The following CSMD3 variants were observed in gnomAD, a reference collection of about 807,000 sequenced individuals.
The protein encoded by CSMD3 is CUB and Sushi multiple domains 3.
A neutral mutation model predicts 435.2 loss-of-function variants in CSMD3; 177 were observed. The observed-to-expected ratio is 0.41, with a 90% CI of 0.36 to 0.46. CSMD3 has a LOEUF of 0.46. Ranked by LOEUF, CSMD3 falls within the 20% of genes least tolerant of loss-of-function variation. The pLI is 0.34. For missense variants in CSMD3, 4,265 were observed against 4,504.6 expected (o/e 0.95, Z 1.52); for synonymous variants, 1,656 against 1,520.5 (o/e 1.09, Z -2.07).
At chr8:112,616,428 T>A (rs762933582) in intron 22 of CSMD3, among the ~76,000 whole-genome samples, 1 of 152,114 alleles carries the variant, frequency 6.6e-6, no homozygotes, top group Admixed American at 6.6e-5. Flanking sequence ...ACTCCTACCA[T>A]GTGAGATAAA....
chr8:112,767,789 A>G (rs2132178681), intron 13 of CSMD3, among the ~76,000 whole-genome samples: 1 of 151,848 alleles, frequency 6.6e-6, no homozygotes, highest in African/African-American at 2.4e-5. Flanking sequence ...CTCATAAATG[A>G]CCTTGCTGTT....
intron 10 of CSMD3, among the ~76,000 whole-genome samples, chr8:112,916,769 C>T (rs1474882956): frequency 1.3e-5 from 2 of 151,908 alleles, no homozygotes; most frequent in Non-Finnish European, 2.9e-5. Context: ...GATCTTATTA[C>T]TACCTTCTCA....
chr8:112,276,440 G>A (rs1818049437), intron 59 of CSMD3, among the ~76,000 whole-genome samples: 1 of 152,172 alleles, frequency 6.6e-6, no homozygotes, highest in Non-Finnish European at 1.5e-5. Context: ...TGCAGACTCT[G>A]TGTAGGGGCT....
intron 28 of CSMD3, among the ~76,000 whole-genome samples, chr8:112,515,832 A>T (rs1356053044): frequency 1.3e-5 from 2 of 152,106 alleles, no homozygotes; most frequent in African/African-American, 4.8e-5. Flanking sequence ...TTTATAAAAT[A>T]GAGAAAATGT....
At chr8:112,558,736 C>T (rs1404526002) in intron 24 of CSMD3, among the ~76,000 whole-genome samples, 2 of 151,766 alleles carry the variant, frequency 1.3e-5, no homozygotes, top group Non-Finnish European at 2.9e-5. Flanking sequence ...TTGGGTTTTG[C>T]ATTACTGATC....
intron 3 of CSMD3, among the ~76,000 whole-genome samples, chr8:113,271,459 G>A (rs917198767): frequency 1.3e-5 from 2 of 152,076 alleles, no homozygotes; most frequent in Admixed American, 6.6e-5. Context: ...TGCTAAAAGG[G>A]GCCAAGGTAC....
intron 11 of CSMD3, among the ~76,000 whole-genome samples, chr8:112,845,581 A>T (rs566873904): frequency 3.0e-4 from 45 of 152,222 alleles, no homozygotes; most frequent in African/African-American, 1.1e-3. Context: ...AGAGTAGTTT[A>T]GGTTGCCCAT....
intron 11 of CSMD3, among the ~76,000 whole-genome samples, chr8:112,842,925 T>A (rs1471264584): frequency 6.6e-6 from 1 of 151,838 alleles, no homozygotes; most frequent in African/African-American, 2.4e-5. Context: ...TGATTCAAGA[T>A]GTTAAAATGA....
intron 63 of CSMD3, among the ~76,000 whole-genome samples, chr8:112,252,910 G>T (rs1815415898): frequency 1.3e-5 from 2 of 151,356 alleles, no homozygotes; most frequent in African/African-American, 2.4e-5. Flanking sequence ...TAAATTCAGG[G>T]TTAGGTTAAC....
intron 5 of CSMD3, among the ~76,000 whole-genome samples, chr8:113,097,144 GA>G (rs2090188893): frequency 6.6e-6 from 1 of 151,948 alleles, no homozygotes; most frequent in South Asian, 2.1e-4. Flanking sequence ...CGCTATGACA[GA>G]AACAAAGAAG....
chr8:112,329,690 G>A (rs1823856195), intron 45 of CSMD3, among the ~76,000 whole-genome samples: 1 of 151,928 alleles, frequency 6.6e-6, no homozygotes, highest in South Asian at 2.1e-4. Context: ...TTTGGCTGGA[G>A]GCAACAGAAA....
intron 1 of CSMD3, among the ~76,000 whole-genome samples, chr8:113,346,468 T>G (rs1016663412): frequency 2.0e-5 from 3 of 152,158 alleles, no homozygotes; most frequent in Admixed American, 2.0e-4. Context: ...AATAAAGGTA[T>G]GCTTTTCTGA....
chr8:112,845,690 T>C (rs1235877172), intron 11 of CSMD3, among the ~76,000 whole-genome samples: 1 of 152,030 alleles, frequency 6.6e-6, no homozygotes, highest in African/African-American at 2.4e-5. Flanking sequence ...TTTTGGAAAG[T>C]AACAGGCTTG....
At chr8:112,836,113 G>C (rs2080016265) in intron 11 of CSMD3, among the ~76,000 whole-genome samples, 1 of 151,862 alleles carries the variant, frequency 6.6e-6, no homozygotes, top group South Asian at 2.1e-4. Flanking sequence ...GGAGAAGCCA[G>C]TGTATCACTT....
intron 11 of CSMD3, among the ~76,000 whole-genome samples, chr8:112,830,787 T>A (rs2079847156): frequency 8.1e-6 from 1 of 123,630 alleles, no homozygotes. Flanking sequence ...ATAATAACAA[T>A]TTTTTTTTTT....
At chr8:113,355,749 T>TATATACACACACAC (rs1357514892) in intron 1 of CSMD3, among the ~76,000 whole-genome samples, 23 of 81,324 alleles carry the variant, frequency 2.8e-4, no homozygotes, top group African/African-American at 1.2e-3. Flanking sequence ...TATATATATA[T>TATATACACACACAC]ACACACACAC....
At chr8:112,580,008 C>A (rs1830227283) in intron 23 of CSMD3, among the ~76,000 whole-genome samples, 1 of 151,830 alleles carries the variant, frequency 6.6e-6, no homozygotes, top group South Asian at 2.1e-4. Context: ...AATTCTTTTC[C>A]AAAGAATAAA....
intron 4 of CSMD3, among the ~76,000 whole-genome samples, chr8:113,099,439 G>A (rs149832725): frequency 3.5e-4 from 53 of 152,048 alleles, no homozygotes; most frequent in African/African-American, 1.2e-3. Flanking sequence ...CATGTCAATG[G>A]TATGTTTCAG....
intron 13 of CSMD3, among the ~76,000 whole-genome samples, chr8:112,788,067 A>G (rs533964883): frequency 2.0e-5 from 3 of 152,246 alleles, no homozygotes; most frequent in African/African-American, 7.2e-5. Flanking sequence ...TTATCCATAA[A>G]TTTATATCCC....
Sources: allele counts gnomAD v4.1 joint callset (sites outside exome capture counted in the v4.1 genomes callset), GRCh38; gene constraint gnomAD v4.1.1; transcripts MANE v1.5; gene names NCBI Gene and HGNC (gene_info 2026-07-23, HGNC 2026-07-21).